Variants in RAP1GDS1 observed in about 807,000 individuals in gnomAD.
The protein encoded by RAP1GDS1 is RAP1, GTP-GDP dissociation stimulator 1.
A neutral mutation model predicts 71.1 loss-of-function variants in RAP1GDS1; 35 were observed. The ratio of observed to expected loss-of-function variants is 0.49; its 90% confidence interval spans 0.38 to 0.65. The LOEUF is 0.65. Ranked by LOEUF, RAP1GDS1 falls within the 30% of genes least tolerant of loss-of-function variation. The probability of loss-of-function intolerance (pLI) is 0.00; values close to 1 mark genes in which losing one functional copy is unlikely to be tolerated. For missense variants in RAP1GDS1, 663 were observed against 706.1 expected, an observed-to-expected ratio of 0.94 and a Z score of 0.69; for synonymous variants, 229 against 243.1, an observed-to-expected ratio of 0.94 and a Z score of 0.54.
At chr4:98,392,280 T>A (rs1355235476) in intron 6 of RAP1GDS1, 200 bp downstream of exon 6, 2 of 420,586 alleles carry the variant, frequency 4.8e-6, no homozygotes, top group Non-Finnish European at 8.2e-6. Context: ...GAGCGTTTTA[T>A]TTCCCTAATA....
intron 2 of RAP1GDS1, among the ~76,000 whole-genome samples, chr4:98,334,077 G>A (rs185080247): frequency 2.6e-5 from 4 of 151,998 alleles, no homozygotes; most frequent in East Asian, 1.9e-4. Flanking sequence ...TTTAAGTCAC[G>A]TGAACTAAAA....
At chr4:98,380,647 T>TA (rs139104457) in intron 5 of RAP1GDS1, among the ~76,000 whole-genome samples, 8 of 151,928 alleles carry the variant, frequency 5.3e-5, no homozygotes, top group Non-Finnish European at 5.9e-5. Context: ...ATTTCCTAAA[T>TA]AATTGAAATT....
At chr4:98,346,120 A>T (rs1291199262) in intron 3 of RAP1GDS1, among the ~76,000 whole-genome samples, 1 of 152,192 alleles carries the variant, frequency 6.6e-6, no homozygotes, top group African/African-American at 2.4e-5. Context: ...TCCTCTAGGT[A>T]ATGCTGATGA....
chr4:98,318,218 A>G lies in RAP1GDS1; in HGVS notation c.112+24703A>G, dbSNP rs573504799. The stretch of plus-strand genomic sequence containing the variant: ...CTTGCTTAGTCTAGCTTAGTCTCTT[A>G]ATACCTTTCATTTTAACATGGGACC... On this transcript the variant is annotated intron_variant, in intron 2 of 14. Coordinates refer to ENST00000408927, the MANE Select transcript of RAP1GDS1 (RefSeq NM_001100427.2). 2.0e-5 allele frequency among the ~76,000 whole-genome samples: 3 copies of G among 152,224 alleles called. No homozygotes were observed. In the South Asian group the frequency reaches 6.2e-4, roughly 32 times the overall value.
intron 1 of RAP1GDS1, among the ~76,000 whole-genome samples, chr4:98,289,257 TGTGG>T (rs1476123029): frequency 5.3e-5 from 8 of 151,988 alleles, no homozygotes; most frequent in Admixed American, 4.6e-4. Context: ...ATAAACAAAA[TGTGG>T]GAGCCTAGAA....
At position 98,278,222 on chromosome 4, in the gene RAP1GDS1, C is replaced by T. The variant is rs572025722; in HGVS notation, c.5-15186C>T. 2.0e-5 allele frequency among the ~76,000 whole-genome samples: 3 copies of T among 152,164 alleles called. No individual in the cohort carries two copies. In the South Asian group the frequency reaches 6.2e-4, roughly 32 times the overall value. The stretch of plus-strand genomic sequence containing the variant: ...TCAAAAAAATAAAAAATGTACAATA[C>T]CCTAGGCTGCATTCCCATTAAACAG... On this transcript the variant is annotated intron_variant, in intron 1 of 14. Transcript: ENST00000408927.
intron 2 of RAP1GDS1, among the ~76,000 whole-genome samples, chr4:98,320,447 A>G (rs967170325): frequency 4.6e-5 from 7 of 152,202 alleles, no homozygotes; most frequent in African/African-American, 1.7e-4. Context: ...AGGAGCCAAG[A>G]TGGCCGAATA....
chr4:98,428,218 C>G (rs1749895627), intron 12 of RAP1GDS1, among the ~76,000 whole-genome samples: 1 of 152,044 alleles, frequency 6.6e-6, no homozygotes, highest in Admixed American at 6.6e-5. Flanking sequence ...GGATCAAGGA[C>G]TTAAATCTAA....
chr4:98,279,855 G>A (rs1038350087), intron 1 of RAP1GDS1, among the ~76,000 whole-genome samples: 29 of 152,104 alleles, frequency 1.9e-4, no homozygotes, highest in Admixed American at 1.2e-3. Context: ...GAGAACTTGC[G>A]GTGTTTGGTT....
At chr4:98,336,695 G>A (rs923852984) in intron 2 of RAP1GDS1, among the ~76,000 whole-genome samples, 3 of 151,962 alleles carry the variant, frequency 2.0e-5, no homozygotes, top group African/African-American at 7.3e-5. Flanking sequence ...GGAAGAAAGT[G>A]AAAGAATTCA....
intron 4 of RAP1GDS1, among the ~76,000 whole-genome samples, chr4:98,362,725 G>T (rs1161449181): frequency 1.3e-5 from 2 of 151,970 alleles, no homozygotes; most frequent in African/African-American, 4.8e-5. Context: ...ACAAATTATT[G>T]TTCTCTCCCT....
At chr4:98,284,606 G>C (rs1240626611) in intron 1 of RAP1GDS1, among the ~76,000 whole-genome samples, 3 of 152,110 alleles carry the variant, frequency 2.0e-5, no homozygotes, top group Admixed American at 6.6e-5. Context: ...CACTCATTAA[G>C]AGTTGGGGTC....
chr4:98,266,968 C>T (rs1722787528), intron 1 of RAP1GDS1, among the ~76,000 whole-genome samples: 1 of 152,050 alleles, frequency 6.6e-6, no homozygotes, highest in Non-Finnish European at 1.5e-5. Flanking sequence ...TCAGAATTAC[C>T]TAAATTTTAA....
rs565667555 is a variant in RAP1GDS1 at position 98,346,901 on chromosome 4, G to T, written c.235+3640G>T. On this transcript the variant is annotated intron_variant, in intron 3 of 14. Transcript: ENST00000408927. ...GAGTGAGTGAAAAATATAAATGTCA[G>T]TTTGACAACCCACATATAAAAGTCA... Among the ~76,000 whole-genome samples, 91 of 152,122 alleles carry T rather than the reference G, an allele frequency of 6.0e-4. 1 individual carries two copies. The highest frequency in any genetic ancestry group is 1.2e-3 in the Non-Finnish European group (84 of 68,020).
intron 1 of RAP1GDS1, among the ~76,000 whole-genome samples, chr4:98,283,816 GA>G (rs1261359816): frequency 7.4e-6 from 1 of 134,520 alleles, no homozygotes; most frequent in Admixed American, 7.6e-5. Context: ...ATTTCATTGT[GA>G]TTTTTTTTTT....
intron 12 of RAP1GDS1, among the ~76,000 whole-genome samples, chr4:98,432,736 GT>G (rs1750607305): frequency 6.6e-6 from 1 of 151,986 alleles, no homozygotes; most frequent in African/African-American, 2.4e-5. Context: ...TTTTTAAAAT[GT>G]CCAGACCTTC....
intron 2 of RAP1GDS1, among the ~76,000 whole-genome samples, chr4:98,324,473 A>C (rs1732587729): frequency 6.7e-6 from 1 of 150,320 alleles, no homozygotes; most frequent in Admixed American, 6.6e-5. Context: ...GTCAATCCTA[A>C]GCCAAAAGAA....
At chr4:98,361,072 G>A (rs1738667416) in intron 4 of RAP1GDS1, among the ~76,000 whole-genome samples, 1 of 130,268 alleles carries the variant, frequency 7.7e-6, no homozygotes, top group Admixed American at 8.0e-5. Flanking sequence ...GTGAGACTCT[G>A]TCTCAAAAAA....
At chr4:98,281,631 A>G (rs1725119925) in intron 1 of RAP1GDS1, among the ~76,000 whole-genome samples, 1 of 152,186 alleles carries the variant, frequency 6.6e-6, no homozygotes, top group Non-Finnish European at 1.5e-5. Flanking sequence ...CCTGGCGAGA[A>G]CTTCCAACAC....
Sources: gnomAD v4.1 joint callset for allele counts (sites outside exome capture counted in the v4.1 genomes callset) on GRCh38, gnomAD v4.1.1 for gene constraint, MANE v1.5 for transcripts, NCBI Gene and HGNC (gene_info 2026-07-23, HGNC 2026-07-21) for gene names.